Variants in DMD observed in about 807,000 individuals in gnomAD.
The protein encoded by DMD is mutant dystrophin.
DMD carries 63 observed loss-of-function variants against 330.1 expected under a neutral mutation model. That is an observed-to-expected ratio of 0.19 (90% CI 0.16 to 0.24). DMD has a LOEUF of 0.24. Ranked by LOEUF, DMD falls within the 10% of genes least tolerant of loss-of-function variation. The pLI, the probability that DMD is intolerant of heterozygous loss-of-function variation, is 1.00. For synonymous variants in DMD, 1,223 were observed against 959.8 expected (o/e 1.27, Z -5.07); for missense variants, 3,344 against 2,684.1 (o/e 1.25, Z -5.43).
At chrX:32,507,927 T>C (rs1434112604) in intron 18 of DMD, among the ~76,000 whole-genome samples, 1 of 111,071 alleles carries the variant, frequency 9.0e-6, no homozygotes, top group Non-Finnish European at 1.9e-5. Context: ...CTTCTACTTA[T>C]AATTTCAGCT....
chrX:31,257,983 ACAAT>A (rs1330699683), intron 63 of DMD, among the ~76,000 whole-genome samples: 1 of 111,877 alleles, frequency 8.9e-6, no homozygotes, highest in Non-Finnish European at 1.9e-5. Flanking sequence ...TAGCCATATA[ACAAT>A]CATTCTATAT....
chrX:33,060,209 A>AG (rs1393786830), intron 1 of DMD, among the ~76,000 whole-genome samples: 1 of 111,037 alleles, frequency 9.0e-6, no homozygotes, highest in Non-Finnish European at 1.9e-5. Context: ...GGAACAGGGT[A>AG]GGGGTCAGTG....
rs964000207 is a variant in DMD at position 32,532,126 on chromosome X, A to C, written c.2168+13033T>G. Among the ~76,000 whole-genome samples, 15 of 111,375 alleles carry C rather than the reference A, an allele frequency of 1.3e-4. No individual in the cohort carries two copies. The Admixed American group carries it at 1.3e-3, about 10-fold the overall frequency. ...GGTTAAGACCATGGTGAGCTCCAAA[A>C]GTCTTGCACTTGGAAAAAAAAGTTC... On this transcript the variant is annotated intron_variant, in intron 17 of 78. Transcript: ENST00000357033.
chrX:32,453,053 G>GT (rs1281057230), intron 26 of DMD, among the ~76,000 whole-genome samples: 2 of 111,017 alleles, frequency 1.8e-5, no homozygotes, highest in African/African-American at 6.5e-5. Flanking sequence ...TATAAGTCAA[G>GT]TTTTTCTAAA....
chrX:33,264,110 G>A (rs2053003936), intron 1 of DMD, among the ~76,000 whole-genome samples: 1 of 110,607 alleles, frequency 9.0e-6, no homozygotes, highest in Admixed American at 9.7e-5. Context: ...TCATTGTTTG[G>A]CCTGTATATA....
At chrX:32,581,004 T>G (rs1260939620) in intron 13 of DMD, among the ~76,000 whole-genome samples, 1 of 110,774 alleles carries the variant, frequency 9.0e-6, no homozygotes, top group Non-Finnish European at 1.9e-5. Context: ...TTTTTGTATT[T>G]TAGTAGAGAT....
In DMD at chrX:32,647,113, G is replaced by T. The variant is rs1195719646; in HGVS notation, c.961-1961C>A. Among the ~76,000 whole-genome samples, 3 of 111,616 alleles carry T rather than the reference G, an allele frequency of 2.7e-5. No individual in the cohort carries two copies. In the East Asian group the frequency reaches 8.5e-4, roughly 32 times the overall value. ...GCTTCACGTTTGTGCAACCTGAGCA[G>T]TTGCACAGGGCCCTGAGCGCAGAAG... On this transcript the variant is annotated intron_variant, in intron 9 of 78. Transcript: ENST00000357033.
At chrX:31,681,455 A>T (rs2082375777) in intron 52 of DMD, among the ~76,000 whole-genome samples, 1 of 112,325 alleles carries the variant, frequency 8.9e-6, no homozygotes, top group Non-Finnish European at 1.9e-5. Context: ...AAGAGCAATA[A>T]CCTTTTGTCA....
intron 43 of DMD, among the ~76,000 whole-genome samples, chrX:32,234,975 A>G (rs1297963077): frequency 8.9e-6 from 1 of 111,944 alleles, no homozygotes; most frequent in Non-Finnish European, 1.9e-5. Flanking sequence ...ATCCCATAAA[A>G]CAGTGGTCCC....
Position 32,400,658 on chromosome X carries a change from A to G in DMD, c.4234-10477T>C, listed in dbSNP as rs778186104. 3.5e-3 allele frequency among the ~76,000 whole-genome samples: 388 copies of G among 110,010 alleles called. 2 individuals are homozygous for G. The highest frequency in any genetic ancestry group is 0.012 in the African/African-American group (354 of 30,141). ...ACCATCTCACACCAGTTAGAATGGCAATCATTCAAAAGTCAGGAAACAACA... is the reference window on the plus strand; with the variant it reads ...ACCATCTCACACCAGTTAGAATGGCGATCATTCAAAAGTCAGGAAACAACA... On this transcript the variant is annotated intron_variant, in intron 30 of 78. Coordinates refer to ENST00000357033, the MANE Select transcript of DMD (RefSeq NM_004006.3).
intron 64 of DMD, among the ~76,000 whole-genome samples, chrX:31,211,853 A>C (rs1469428903): frequency 8.9e-6 from 1 of 112,063 alleles, no homozygotes; most frequent in Non-Finnish European, 1.9e-5. Context: ...ACATTTCCCT[A>C]AACAAACATG....
At chrX:32,710,248 A>G (rs1310511073) in intron 7 of DMD, among the ~76,000 whole-genome samples, 1 of 110,616 alleles carries the variant, frequency 9.0e-6, no homozygotes, top group East Asian at 2.8e-4. Context: ...CAGTCTGATT[A>G]AAGTGGAAAA....
At chrX:32,590,137 A>T (rs2054734805) in intron 13 of DMD, among the ~76,000 whole-genome samples, 1 of 112,256 alleles carries the variant, frequency 8.9e-6, no homozygotes, top group African/African-American at 3.2e-5. Context: ...GTTTAATGTC[A>T]TCTGATATAA....
intron 51 of DMD, among the ~76,000 whole-genome samples, chrX:31,737,216 T>C (rs1459260757): frequency 8.9e-6 from 1 of 111,999 alleles, no homozygotes; most frequent in Non-Finnish European, 1.9e-5. Context: ...AGAACTATAA[T>C]ATAGCATGAT....
intron 41 of DMD, among the ~76,000 whole-genome samples, chrX:32,326,295 A>C (rs2097650302): frequency 8.9e-6 from 1 of 112,494 alleles, no homozygotes; most frequent in Non-Finnish European, 1.9e-5. Flanking sequence ...AAAAAAACAC[A>C]ACTTTAGGAA....
intron 1 of DMD, among the ~76,000 whole-genome samples, chrX:33,245,312 C>A (rs1427339138): frequency 9.1e-6 from 1 of 110,186 alleles, no homozygotes; most frequent in Non-Finnish European, 1.9e-5. Flanking sequence ...AAATCACTAC[C>A]CGAAATATCA....
chrX:31,480,953 T>C (rs1188030166), intron 57 of DMD, among the ~76,000 whole-genome samples: 3 of 111,776 alleles, frequency 2.7e-5, no homozygotes, highest in Non-Finnish European at 5.6e-5. Flanking sequence ...AGTAATCACA[T>C]AGAATTCAAA....
intron 67 of DMD, among the ~76,000 whole-genome samples, chrX:31,202,145 C>A (rs1602649264): frequency 9.0e-6 from 1 of 111,594 alleles, no homozygotes; most frequent in South Asian, 3.8e-4. Flanking sequence ...GAGATCGCGC[C>A]ATTGCACTCC....
intron 7 of DMD, among the ~76,000 whole-genome samples, chrX:32,778,778 C>T (rs67381029): frequency 1.8e-5 from 2 of 111,030 alleles, no homozygotes; most frequent in African/African-American, 6.6e-5. Context: ...TTAAGCATTC[C>T]GGTGACTACA....
Sources: gnomAD v4.1 joint callset for allele counts (sites outside exome capture counted in the v4.1 genomes callset) on GRCh38, gnomAD v4.1.1 for gene constraint, MANE v1.5 for transcripts, NCBI Gene and HGNC (gene_info 2026-07-23, HGNC 2026-07-21) for gene names.